The following ZNF470 variants were observed in gnomAD, a reference collection of about 807,000 sequenced individuals.
The protein encoded by ZNF470 is chondrogenesis zinc finger protein 1.
A neutral mutation model predicts 13.9 loss-of-function variants in ZNF470; 13 were observed. That is an observed-to-expected ratio of 0.94 (90% CI 0.61 to 1.49). ZNF470 has a LOEUF of 1.49. Among genes scored for constraint, ZNF470 ranks in the 40% most tolerant of loss-of-function variants. The pLI is 0.00. For missense variants in ZNF470, 929 were observed against 857.3 expected (o/e 1.08, Z -1.04); for synonymous variants, 293 against 282.9 (o/e 1.04, Z -0.36).
At chr19:56,573,055 C>T (rs1392155246) in intron 3 of ZNF470, among the ~76,000 whole-genome samples, 3 of 152,130 alleles carry the variant, frequency 2.0e-5, no homozygotes, top group Admixed American at 6.5e-5. Context: ...CTAAACAGAA[C>T]AGTATTTTAA....
chr19:56,569,484 T>G (rs754221987), intron 2 of ZNF470, among the ~76,000 whole-genome samples: 15 of 152,212 alleles, frequency 9.9e-5, no homozygotes, highest in Non-Finnish European at 1.5e-4. Flanking sequence ...TATGAGCAAA[T>G]AACTTCTGTG....
rs747562205 is a variant in ZNF470 at position 56,577,000 on chromosome 19, C to T, written c.571C>T (p.Gln191Ter). ...FHLNTLSYIK[Q>*]IFPMEERIFN... is the part of the protein sequence containing the mutation. ...TCTGAATACATTATCTTATATAAAA[C>T]AGATTTTTCCCATGGAAGAGAGAAT... The change falls in exon 6 of 6, where the codon CAG becomes TAG. Residue 191 changes from glutamine (Q) to a stop codon, truncating the protein, a stop_gained. Coordinates refer to ENST00000330619, the MANE Select transcript of ZNF470 (RefSeq NM_001001668.4). LOFTEE classifies it low-confidence loss of function (END_TRUNC). 1.3e-6 allele frequency: 2 copies of T among 1,585,566 alleles called. No homozygotes were observed. Among genetic ancestry groups the T allele is most frequent in the Non-Finnish European group, 8.5e-7 (1 of 1,171,202 alleles).
rs1301466477 is a variant in ZNF470 at position 56,578,210 on chromosome 19, A to C, written c.1781A>C (p.Glu594Ala). ...QRLHSGKRPY[E>A]CLECGKAFRQ... Reference sequence around the variant, plus strand: ...CTCCACAGTGGCAAAAGACCGTATGAATGTCTTGAATGTGGGAAGGCATTC... The same window carrying C: ...CTCCACAGTGGCAAAAGACCGTATGCATGTCTTGAATGTGGGAAGGCATTC... Residue 594 changes from glutamate (E) to alanine (A), a missense_variant, in exon 6 of 6, where the codon GAA (glutamate) becomes GCA (alanine). Transcript: ENST00000330619. The C allele has an allele frequency of 1.2e-6, 2 of 1,614,102 alleles. No individual in the cohort carries two copies. Among genetic ancestry groups the C allele is most frequent in the Non-Finnish European group, 1.7e-6 (2 of 1,179,996 alleles).
At position 56,577,010 on chromosome 19, in the gene ZNF470, C is replaced by T; in HGVS notation, c.581C>T (p.Pro194Leu). ...NTLSYIKQIF[P>L]MEERIFNFHT... is the part of the protein sequence containing the mutation. ...TTATCTTATATAAAACAGATTTTTC[C>T]CATGGAAGAGAGAATATTTAATTTT... The change falls in exon 6 of 6, where the codon CCC becomes CTC. Residue 194 changes from proline to leucine, a missense_variant. By Grantham distance (98) the Pro-to-Leu change is moderately conservative (BLOSUM62 -3). Transcript: ENST00000330619. 6.3e-7 allele frequency: 1 copy of T among 1,582,924 alleles called. No homozygotes were observed. The highest frequency in any genetic ancestry group is 8.5e-7 in the Non-Finnish European group (1 of 1,169,618).
In ZNF470 at chr19:56,567,849, C is replaced by G; in HGVS notation, c.-348C>G. On this transcript the variant is annotated 5_prime_UTR_variant, in exon 1 of 6. Coordinates refer to ENST00000330619, the MANE Select transcript of ZNF470 (RefSeq NM_001001668.4). The stretch of plus-strand genomic sequence containing the variant: ...AAACCCGGCCGGAGGAGGCTTACCC[C>G]GTTCTCCCCTGTATCGACTGCGTAG... 1.0e-6 allele frequency: 1 copy of G among 986,118 alleles called. No homozygotes were observed. The highest frequency in any genetic ancestry group is 1.2e-6 in the Non-Finnish European group (1 of 830,544). 61.1% of individuals were successfully genotyped at this position (986,118 alleles called of 1,614,324 possible). A position where few individuals can be genotyped will look rare whatever the true frequency, so the allele number is the denominator to read the frequency against.
chr19:56,578,490 G>C lies in ZNF470; in HGVS notation c.2061G>C (p.Arg687Ser). Residue 687 changes from arginine to serine, a missense_variant, in exon 6 of 6, where the codon AGG becomes AGC. By Grantham distance (110) the Arg-to-Ser change is moderately radical. Coordinates refer to ENST00000330619, the MANE Select transcript of ZNF470 (RefSeq NM_001001668.4). ...GTAAAGAATGTGGAAAAGCCTTCAG[G>C]CAGAGTGTACATCTTGCTCATCATC... ...YECKECGKAFRQSVHLAHHQR... is the reference protein window; with the variant it reads ...YECKECGKAFSQSVHLAHHQR... 1 of 1,611,648 alleles carries C rather than the reference G, an allele frequency of 6.2e-7. No homozygotes were observed. The highest frequency in any genetic ancestry group is 8.5e-7 in the Non-Finnish European group (1 of 1,178,730).
rs1352727764 is a variant in ZNF470 at position 56,579,895 on chromosome 19, T to C, written c.*1312T>C. On this transcript the variant is annotated 3_prime_UTR_variant, in exon 6 of 6. Coordinates refer to ENST00000330619, the MANE Select transcript of ZNF470 (RefSeq NM_001001668.4). The stretch of plus-strand genomic sequence containing the variant: ...CTGATCATCTGTAGAATTTTGATTT[T>C]AACGAGGAATGTAGTTTACATTAGG... The C allele has an allele frequency of 2.3e-6, 1 of 426,022 alleles. No individual in the cohort carries two copies. The highest frequency in any genetic ancestry group is 2.2e-5 in the African/African-American group (1 of 46,344). The allele number at this position is 426,022 out of a possible 1,614,324, so 26.4% of individuals were successfully genotyped here.
chr19:56,582,044 C>T lies in ZNF470; in HGVS notation c.*3461C>T, dbSNP rs573739901. ...AGAAACAATCATACAGAATTTGGTACGAAGATTGGGTAATGGGCATTAGAA... is the reference window on the plus strand; with the variant it reads ...AGAAACAATCATACAGAATTTGGTATGAAGATTGGGTAATGGGCATTAGAA... On this transcript the variant is annotated 3_prime_UTR_variant, in exon 6 of 6. Coordinates refer to ENST00000330619, the MANE Select transcript of ZNF470 (RefSeq NM_001001668.4). The T allele has an allele frequency of 5.1e-5, 50 of 985,252 alleles. No individual in the cohort carries two copies. Among genetic ancestry groups the T allele is most frequent in the African/African-American group, 1.4e-4 (8 of 57,280 alleles). The allele number at this position is 985,252 out of a possible 1,614,324, so 61.0% of individuals were successfully genotyped here. A position where few individuals can be genotyped will look rare whatever the true frequency, so the allele number is the denominator to read the frequency against.
intron 5 of ZNF470, among the ~76,000 whole-genome samples, chr19:56,575,067 T>C (rs1043543297): frequency 2.6e-5 from 4 of 152,174 alleles, no homozygotes; most frequent in African/African-American, 9.6e-5. Flanking sequence ...GGTTTAAATA[T>C]TTTCCTTTCC....
Position 56,577,154 on chromosome 19 carries a change from C to G in ZNF470, c.725C>G (p.Thr242Ser). Residue 242 changes from threonine (T) to serine (S), a missense_variant, in exon 6 of 6, where the codon ACC (threonine) becomes AGC (serine). Physicochemically the swap from Thr to Ser is moderately conservative, Grantham distance 58. Coordinates refer to ENST00000330619, the MANE Select transcript of ZNF470 (RefSeq NM_001001668.4). ...DCEKIFSKIS[T>S]LTLHQRIHTG... ...GAGAAAATATTCAGCAAAATCTCAA[C>G]CCTTACTCTTCACCAAAGAATTCAT... The G allele has an allele frequency of 1.9e-6, 3 of 1,613,430 alleles. No individual in the cohort carries two copies. The highest frequency in any genetic ancestry group is 1.7e-5 in the Admixed American group (1 of 59,802).
chr19:56,578,433 G>A lies in ZNF470; in HGVS notation c.2004G>A (p.Lys668=), dbSNP rs149831867. The A allele has an allele frequency of 1.9e-6, 3 of 1,612,550 alleles. No homozygotes were observed. Among genetic ancestry groups the A allele is most frequent in the Non-Finnish European group, 2.5e-6 (3 of 1,179,256 alleles). Residue 668 remains lysine, a synonymous_variant, in exon 6 of 6, where the codon AAG becomes AAA. Coordinates refer to ENST00000330619, the MANE Select transcript of ZNF470 (RefSeq NM_001001668.4). ...FSQVAHLTLH[K]RIHTGERPYE... is the part of the protein sequence containing the mutation. Reference sequence around the variant, plus strand: ...AGGTTGCCCATCTTACTCTACATAAGAGAATTCATACTGGAGAAAGGCCCT... The same window carrying A: ...AGGTTGCCCATCTTACTCTACATAAAAGAATTCATACTGGAGAAAGGCCCT...
chr19:56,573,017 A>G (rs939043888), intron 3 of ZNF470, among the ~76,000 whole-genome samples: 8 of 152,250 alleles, frequency 5.3e-5, no homozygotes, highest in African/African-American at 1.7e-4. Flanking sequence ...AATATCTTCA[A>G]TGGTTAAAAA....
Position 56,580,744 on chromosome 19 carries a change from TTCTGC to T in ZNF470, c.*2163_*2167del. 2 of 676,024 alleles carry T rather than the reference TTCTGC, an allele frequency of 3.0e-6. No individual in the cohort carries two copies. The highest frequency in any genetic ancestry group is 3.7e-6 in the Non-Finnish European group (2 of 547,804). The allele number at this position is 676,024 out of a possible 1,614,324, so 41.9% of individuals were successfully genotyped here. ...ATGGAGTTTGGGGCTCCCTCTTCAC[TTCTGC>T]TGATAGAAGCATAATGGCTAGGGGA... On this transcript the variant is annotated 3_prime_UTR_variant, in exon 6 of 6. Coordinates refer to ENST00000330619, the MANE Select transcript of ZNF470 (RefSeq NM_001001668.4).
chr19:56,581,614 C>G lies in ZNF470; in HGVS notation c.*3031C>G. 1.1e-6 allele frequency: 1 copy of G among 875,534 alleles called. No individual in the cohort carries two copies. The highest frequency in any genetic ancestry group is 1.4e-6 in the Non-Finnish European group (1 of 729,912). 54.2% of individuals were successfully genotyped at this position (875,534 alleles called of 1,614,324 possible). A position where few individuals can be genotyped will look rare whatever the true frequency, so the allele number is the denominator to read the frequency against. On this transcript the variant is annotated 3_prime_UTR_variant, in exon 6 of 6. Coordinates refer to ENST00000330619, the MANE Select transcript of ZNF470 (RefSeq NM_001001668.4). ...GTCATAGAAAGATAGCTGTGCTATA[C>G]TAAATGAAAAATTGCAGACCTGTAT...
Position 56,578,597 on chromosome 19 carries a change from A to G in ZNF470, c.*14A>G. 6.7e-7 allele frequency: 1 copy of G among 1,498,040 alleles called. No individual in the cohort carries two copies. The highest frequency in any genetic ancestry group is 1.4e-5 in the South Asian group (1 of 70,372). The allele number at this position is 1,498,040 out of a possible 1,614,324, so 92.8% of individuals were successfully genotyped here. A position where few individuals can be genotyped will look rare whatever the true frequency, so the allele number is the denominator to read the frequency against. On this transcript the variant is annotated 3_prime_UTR_variant, in exon 6 of 6. Coordinates refer to ENST00000330619, the MANE Select transcript of ZNF470 (RefSeq NM_001001668.4). ...CAAGTCCTATAGATTCAATCTCGTA[A>G]ATGCTTCTAGCATCCATCTGCTTTT...
At chr19:56,572,334 T>A (rs2044457588) in intron 3 of ZNF470, among the ~76,000 whole-genome samples, 1 of 38,122 alleles carries the variant, frequency 2.6e-5, no homozygotes, top group Non-Finnish European at 3.9e-5. Context: ...TGAAACCCTG[T>A]CTCTACAAAA....
At chr19:56,572,340 CAAAAAAAAAAAAAAA>C (rs564410370) in intron 3 of ZNF470, among the ~76,000 whole-genome samples, 3 of 16,406 alleles carry the variant, frequency 1.8e-4, no homozygotes, top group South Asian at 2.7e-3. Context: ...CCTGTCTCTA[CAAAAAAAAAAAAAAA>C]AAAAAAAAAA....
In ZNF470 at chr19:56,579,795, A is replaced by G; in HGVS notation, c.*1212A>G. 1.1e-6 allele frequency: 1 copy of G among 923,138 alleles called. No individual in the cohort carries two copies. The allele number at this position is 923,138 out of a possible 1,614,324, so 57.2% of individuals were successfully genotyped here. On this transcript the variant is annotated 3_prime_UTR_variant, in exon 6 of 6. Coordinates refer to ENST00000330619, the MANE Select transcript of ZNF470 (RefSeq NM_001001668.4). ...CCTCTGTATAGAAAATCTGATAAAAATATTTCTCCCTAAATTGTAAATTCA... is the reference window on the plus strand; with the variant it reads ...CCTCTGTATAGAAAATCTGATAAAAGTATTTCTCCCTAAATTGTAAATTCA...
At position 56,567,745 on chromosome 19, in the gene ZNF470, C is replaced by G. The variant is rs2044421526; in HGVS notation, c.-452C>G. On this transcript the variant is annotated 5_prime_UTR_variant, in exon 1 of 6. Coordinates refer to ENST00000330619, the MANE Select transcript of ZNF470 (RefSeq NM_001001668.4). ...TCCGGTGCGTGGCCGCGAATCTGCG[C>G]CTGCGTGCATGGCCCGGCGGCGTGC... The G allele has an allele frequency of 5.1e-6, 5 of 988,024 alleles. No individual in the cohort carries two copies. Among genetic ancestry groups the G allele is most frequent in the Non-Finnish European group, 6.0e-6 (5 of 831,966 alleles). The allele number at this position is 988,024 out of a possible 1,614,324, so 61.2% of individuals were successfully genotyped here. A position where few individuals can be genotyped will look rare whatever the true frequency, so the allele number is the denominator to read the frequency against.
Sources: gnomAD v4.1 joint callset for allele counts (sites outside exome capture counted in the v4.1 genomes callset) on GRCh38, gnomAD v4.1.1 for gene constraint, MANE v1.5 for transcripts, NCBI Gene and HGNC (gene_info 2026-07-23, HGNC 2026-07-21) for gene names.